The following AKAP6 variants were observed in gnomAD, a reference collection of about 807,000 sequenced individuals.
The protein encoded by AKAP6 is A-kinase anchoring protein 6, also known as A-kinase anchor protein 6.
In AKAP6, 58 loss-of-function variants were observed where a neutral mutation model predicts 188.5. The ratio of observed to expected loss-of-function variants is 0.31; its 90% confidence interval spans 0.25 to 0.38. The LOEUF is 0.38. AKAP6 is among the 10% of genes least tolerant of loss of function. The pLI is 1.00. For synonymous variants in AKAP6, 989 were observed against 998.6 expected, an observed-to-expected ratio of 0.99 and a Z score of 0.18; for missense variants, 2,710 against 2,740.0, an observed-to-expected ratio of 0.99 and a Z score of 0.24.
At chr14:32,387,816 G>A (rs1024485425) in intron 1 of AKAP6, among the ~76,000 whole-genome samples, 2 of 146,182 alleles carry the variant, frequency 1.4e-5, no homozygotes, top group African/African-American at 5.0e-5. Context: ...TTTTTTTTTA[G>A]TTATGTCTTT....
intron 2 of AKAP6, among the ~76,000 whole-genome samples, chr14:32,515,299 C>T (rs1158183587): frequency 1.3e-5 from 2 of 152,080 alleles, no homozygotes; most frequent in Non-Finnish European, 2.9e-5. Context: ...CTCCACCCGG[C>T]CCCACCTTTG....
intron 2 of AKAP6, among the ~76,000 whole-genome samples, chr14:32,488,553 T>TGTTCCA (rs965491976): frequency 4.6e-5 from 7 of 152,144 alleles, no homozygotes; most frequent in African/African-American, 1.7e-4. Context: ...TCTGTCTCAC[T>TGTTCCA]GGGGTTCCAG....
chr14:32,760,962 A>T (rs2032516117), intron 11 of AKAP6, among the ~76,000 whole-genome samples: 1 of 152,192 alleles, frequency 6.6e-6, no homozygotes. Flanking sequence ...GTATTACCAC[A>T]CATCTGGGAA....
At chr14:32,439,492 G>C (rs535062832) in intron 2 of AKAP6, among the ~76,000 whole-genome samples, 26 of 152,306 alleles carry the variant, frequency 1.7e-4, no homozygotes, top group African/African-American at 6.3e-4. Flanking sequence ...AAAGGGCTAT[G>C]GTTGTGACTT....
chr14:32,445,867 A>G (rs1890737754), intron 2 of AKAP6, among the ~76,000 whole-genome samples: 1 of 152,162 alleles, frequency 6.6e-6, no homozygotes, highest in African/African-American at 2.4e-5. Context: ...TGTTGATTAA[A>G]TACATACAAA....
chr14:32,668,215 T>G (rs910819492), intron 7 of AKAP6, among the ~76,000 whole-genome samples: 3 of 152,110 alleles, frequency 2.0e-5, no homozygotes, highest in African/African-American at 7.2e-5. Flanking sequence ...CCACCCTAGC[T>G]CATGACATAA....
At chr14:32,789,242 G>A (rs545608110) in intron 12 of AKAP6, among the ~76,000 whole-genome samples, 37 of 152,304 alleles carry the variant, frequency 2.4e-4, no homozygotes, top group Admixed American at 2.1e-3. Context: ...CAGAGCTCCT[G>A]TGGGGAGGGG....
At chr14:32,767,402 T>A (rs1299107068) in intron 11 of AKAP6, among the ~76,000 whole-genome samples, 1 of 152,162 alleles carries the variant, frequency 6.6e-6, no homozygotes, top group Non-Finnish European at 1.5e-5. Flanking sequence ...TTCTTGTATA[T>A]TTCATGTTTT....
intron 1 of AKAP6, among the ~76,000 whole-genome samples, chr14:32,364,698 T>G (rs1750953588): frequency 6.6e-6 from 1 of 151,926 alleles, no homozygotes; most frequent in Non-Finnish European, 1.5e-5. Context: ...GGAGATATGA[T>G]TTTTACTCCA....
chr14:32,560,092 T>C (rs976062048), intron 4 of AKAP6, among the ~76,000 whole-genome samples: 1 of 152,062 alleles, frequency 6.6e-6, no homozygotes, highest in African/African-American at 2.4e-5. Flanking sequence ...ATTTAACAAA[T>C]GTCTCCAAGG....
chr14:32,562,173 G>T (rs1378062816), intron 4 of AKAP6, among the ~76,000 whole-genome samples: 22 of 151,892 alleles, frequency 1.4e-4, no homozygotes, highest in Admixed American at 9.2e-4. Flanking sequence ...TTCATGTTTT[G>T]TCTAGGAATA....
intron 7 of AKAP6, among the ~76,000 whole-genome samples, chr14:32,668,037 G>T (rs1335125539): frequency 6.6e-6 from 1 of 152,072 alleles, no homozygotes; most frequent in Non-Finnish European, 1.5e-5. Flanking sequence ...AGTAAATAAG[G>T]ATTTGCTGTA....
chr14:32,501,976 G>A (rs922259484), intron 2 of AKAP6, among the ~76,000 whole-genome samples: 2 of 152,058 alleles, frequency 1.3e-5, no homozygotes, highest in African/African-American at 4.8e-5. Flanking sequence ...TTACTGGATC[G>A]TTTAACTAAT....
intron 2 of AKAP6, among the ~76,000 whole-genome samples, chr14:32,474,921 T>C (rs1197652731): frequency 6.6e-6 from 1 of 152,192 alleles, no homozygotes; most frequent in Admixed American, 6.5e-5. Flanking sequence ...TTGGGAGAGG[T>C]GTACATATGT....
At chr14:32,358,527 G>C (rs1887554973) in intron 1 of AKAP6, among the ~76,000 whole-genome samples, 1 of 152,088 alleles carries the variant, frequency 6.6e-6, no homozygotes, top group African/African-American at 2.4e-5. Flanking sequence ...GTGTTGGGTG[G>C]GGGGGTTAGG....
intron 7 of AKAP6, among the ~76,000 whole-genome samples, chr14:32,658,614 G>C (rs570067333): frequency 6.6e-6 from 1 of 151,574 alleles, no homozygotes; most frequent in Non-Finnish European, 1.5e-5. Context: ...GAAGCAATGG[G>C]TTCAATTTTC....
intron 12 of AKAP6, among the ~76,000 whole-genome samples, chr14:32,774,567 A>G (rs1366746063): frequency 6.6e-6 from 1 of 152,230 alleles, no homozygotes; most frequent in African/African-American, 2.4e-5. Flanking sequence ...GATGAAGGAA[A>G]TAGATATAAC....
At chr14:32,753,135 C>A (rs2032203179) in intron 11 of AKAP6, among the ~76,000 whole-genome samples, 1 of 151,908 alleles carries the variant, frequency 6.6e-6, no homozygotes, top group African/African-American at 2.4e-5. Context: ...TATTGTTTTC[C>A]ATATTTATAT....
intron 1 of AKAP6, among the ~76,000 whole-genome samples, chr14:32,382,157 T>A (rs1888384307): frequency 6.6e-6 from 1 of 152,188 alleles, no homozygotes; most frequent in African/African-American, 2.4e-5. Flanking sequence ...TTTGCTGCTG[T>A]TTCCATTCCT....
Sources: gnomAD v4.1 joint callset for allele counts (sites outside exome capture counted in the v4.1 genomes callset) on GRCh38, gnomAD v4.1.1 for gene constraint, MANE v1.5 for transcripts, NCBI Gene and HGNC (gene_info 2026-07-23, HGNC 2026-07-21) for gene names.